The following GRM8 variants were observed in gnomAD, a reference collection of about 807,000 sequenced individuals.
GRM8 encodes the protein metabotropic glutamate receptor 8.
In GRM8, 47 loss-of-function variants were observed where a neutral mutation model predicts 87.2. That is an observed-to-expected ratio of 0.54 (90% CI 0.43 to 0.69). The LOEUF is 0.69. Ranked by LOEUF, GRM8 falls within the 30% of genes least tolerant of loss-of-function variation. The pLI is 0.00. For missense variants in GRM8, 1,019 were observed against 1,139.2 expected (o/e 0.89, Z 1.52); for synonymous variants, 396 against 404.5 (o/e 0.98, Z 0.25).
intron 9 of GRM8, among the ~76,000 whole-genome samples, chr7:126,508,075 G>A (rs1014058727): frequency 2.6e-5 from 4 of 152,002 alleles, no homozygotes; most frequent in Non-Finnish European, 5.9e-5. Context: ...TCATCATAGA[G>A]TATTCATTAA....
chr7:127,153,781 C>G (rs950031401), intron 2 of GRM8, among the ~76,000 whole-genome samples: 3 of 152,070 alleles, frequency 2.0e-5, no homozygotes, highest in Admixed American at 2.0e-4. Context: ...TTAGAAATGG[C>G]AAATATCTGA....
At chr7:126,859,433 T>C (rs1230881722) in intron 6 of GRM8, among the ~76,000 whole-genome samples, 1 of 152,094 alleles carries the variant, frequency 6.6e-6, no homozygotes, top group Non-Finnish European at 1.5e-5. Context: ...TGCAACTTAA[T>C]GGAGAGGGAA....
intron 2 of GRM8, among the ~76,000 whole-genome samples, chr7:127,223,163 G>A (rs1797044415): frequency 6.6e-6 from 1 of 152,060 alleles, no homozygotes; most frequent in Admixed American, 6.6e-5. Flanking sequence ...CCGAAAGGTG[G>A]GGAGCTGCCA....
At chr7:127,158,245 AG>A (rs1350575170) in intron 2 of GRM8, among the ~76,000 whole-genome samples, 10 of 152,168 alleles carry the variant, frequency 6.6e-5, no homozygotes, top group African/African-American at 2.4e-4. Context: ...CAGGCATAAA[AG>A]CCTGTCAGCC....
At chr7:126,946,626 AC>A (rs1807569669) in intron 3 of GRM8, among the ~76,000 whole-genome samples, 2 of 152,340 alleles carry the variant, frequency 1.3e-5, no homozygotes, top group African/African-American at 4.8e-5. Flanking sequence ...GCTATTCTAT[AC>A]CAACCTGTAG....
chr7:127,195,410 A>C (rs1795230008), intron 2 of GRM8, among the ~76,000 whole-genome samples: 1 of 152,166 alleles, frequency 6.6e-6, no homozygotes, highest in African/African-American at 2.4e-5. Flanking sequence ...ACTAATCATT[A>C]AGTTAAAAAT....
At chr7:126,973,732 T>A (rs1168722935) in intron 3 of GRM8, among the ~76,000 whole-genome samples, 1 of 152,182 alleles carries the variant, frequency 6.6e-6, no homozygotes, top group Non-Finnish European at 1.5e-5. Context: ...AGATACACCA[T>A]TATTTTATGT....
intron 2 of GRM8, among the ~76,000 whole-genome samples, chr7:127,163,344 G>A (rs559651535): frequency 1.8e-4 from 28 of 152,214 alleles, no homozygotes; most frequent in Admixed American, 5.2e-4. Context: ...ATTGAGTTAC[G>A]TATAACACCC....
intron 7 of GRM8, among the ~76,000 whole-genome samples, chr7:126,676,835 C>A (rs1197613189): frequency 6.6e-6 from 1 of 152,088 alleles, no homozygotes; most frequent in Admixed American, 6.6e-5. Context: ...GTGGCTAAGA[C>A]CCCAAAAGCG....
intron 3 of GRM8, among the ~76,000 whole-genome samples, chr7:126,970,525 G>C (rs540390005): frequency 3.6e-4 from 53 of 148,958 alleles, no homozygotes; most frequent in African/African-American, 1.3e-3. Flanking sequence ...CCTTGCTCTG[G>C]ATTAGGTTTT....
intron 6 of GRM8, among the ~76,000 whole-genome samples, chr7:126,901,933 T>A (rs531868135): frequency 2.9e-4 from 44 of 152,140 alleles, no homozygotes. Flanking sequence ...AGTAACTCTG[T>A]CTCAAAAAAA....
chr7:126,580,427 A>G (rs1795502629), intron 8 of GRM8, among the ~76,000 whole-genome samples: 1 of 152,042 alleles, frequency 6.6e-6, no homozygotes, highest in Non-Finnish European at 1.5e-5. Flanking sequence ...ATCTAGCTTA[A>G]ATGTGATCTT....
rs535643821 is a variant in GRM8, at chr7:126,614,865, G to A, written c.1358-5367C>T. On this transcript the variant is annotated intron_variant, in intron 7 of 10. Coordinates refer to ENST00000339582, the MANE Select transcript of GRM8 (RefSeq NM_000845.3). ...AAAGAACAAAGCCTCTAAGAAATAC[G>A]GGACTATGTGAAAAGACCAAATCTA... Among the ~76,000 whole-genome samples the A allele has an allele frequency of 7.9e-5, 12 of 152,250 alleles. No homozygotes were observed. The South Asian group carries it at 8.3e-4, about 11-fold the overall frequency.
intron 9 of GRM8, among the ~76,000 whole-genome samples, chr7:126,501,947 T>C (rs1447721379): frequency 3.9e-5 from 6 of 151,956 alleles, no homozygotes; most frequent in Admixed American, 6.6e-5. Flanking sequence ...CAGGTGCTCA[T>C]AGAATGTTTG....
intron 7 of GRM8, among the ~76,000 whole-genome samples, chr7:126,732,271 C>A (rs1007315530): frequency 1.3e-5 from 2 of 151,998 alleles, no homozygotes; most frequent in Non-Finnish European, 2.9e-5. Context: ...TGTAAAAGAA[C>A]ATCTGTTATA....
Position 126,467,996 on chromosome 7 carries a change from A to C in GRM8, c.2431-21624T>G, listed in dbSNP as rs1436414893. ...AAATGATTTAATATAATCAAACTTC[A>C]ATTTCCTCATCTATAAACCTTTTAT... On this transcript the variant is annotated intron_variant, in intron 9 of 10. Transcript: ENST00000339582. 3.3e-5 allele frequency among the ~76,000 whole-genome samples: 5 copies of C among 152,144 alleles called. No individual in the cohort carries two copies. The East Asian group carries it at 9.7e-4, about 29-fold the overall frequency.
chr7:126,446,215 G>A lies in GRM8; in HGVS notation c.2588C>T (p.Ala863Val), dbSNP rs778639963. The A allele has an allele frequency of 6.2e-7, 1 of 1,612,720 alleles. No homozygotes were observed. The highest frequency in any genetic ancestry group is 8.5e-7 in the Non-Finnish European group (1 of 1,179,082). The change falls in exon 10 of 11, where the codon GCC becomes GTC. Residue 863 changes from alanine (A) to valine (V), a missense_variant. Coordinates refer to ENST00000339582, the MANE Select transcript of GRM8 (RefSeq NM_000845.3). Reference sequence around the variant, plus strand: ...TTGGATCAGTTTGCTTTGCATGGTGGCAGCTGTCACCACAGCCTTGAAGCT... The same window carrying A: ...TTGGATCAGTTTGCTTTGCATGGTGACAGCTGTCACCACAGCCTTGAAGCT... ...KRSFKAVVTA[A>V]TMQSKLIQKG...
intron 6 of GRM8, among the ~76,000 whole-genome samples, chr7:126,875,892 C>T (rs1359092154): frequency 6.6e-6 from 1 of 152,140 alleles, no homozygotes; most frequent in Middle Eastern, 3.2e-3. Context: ...ATGCCTTTGT[C>T]TGTTGCCACA....
intron 2 of GRM8, among the ~76,000 whole-genome samples, chr7:127,165,135 T>C (rs2116260892): frequency 9.0e-6 from 1 of 110,994 alleles, no homozygotes; most frequent in Non-Finnish European, 1.9e-5. Context: ...AATAAACATG[T>C]AAACAGATAT....
Sources: gnomAD v4.1 joint callset for allele counts (sites outside exome capture counted in the v4.1 genomes callset) on GRCh38, gnomAD v4.1.1 for gene constraint, MANE v1.5 for transcripts, NCBI Gene and HGNC (gene_info 2026-07-23, HGNC 2026-07-21) for gene names.